Variants in TBC1D5 observed in about 807,000 individuals in gnomAD.
TBC1D5 encodes TBC1 domain family member 5, also known as TBC1 domain family, member 5.
A neutral mutation model predicts 100.3 loss-of-function variants in TBC1D5; 75 were observed. That is an observed-to-expected ratio of 0.75 (90% CI 0.62 to 0.91). TBC1D5 has a LOEUF of 0.91. Among genes scored for constraint, TBC1D5 ranks in the 40% least tolerant of loss-of-function variants. The pLI is 0.00. For missense variants in TBC1D5, 910 were observed against 942.4 expected (o/e 0.97, Z 0.45); for synonymous variants, 323 against 325.6 (o/e 0.99, Z 0.09).
intron 2 of TBC1D5, among the ~76,000 whole-genome samples, chr3:17,598,639 G>C (rs1018516011): frequency 1.3e-5 from 2 of 152,108 alleles, no homozygotes; most frequent in Non-Finnish European, 2.9e-5. Flanking sequence ...AACTGTTTGT[G>C]CTGCAAGAAA....
intron 13 of TBC1D5, among the ~76,000 whole-genome samples, chr3:17,316,766 T>C (rs555824392): frequency 6.6e-6 from 1 of 152,308 alleles, no homozygotes; most frequent in African/African-American, 2.4e-5. Context: ...GACTTGGCAA[T>C]ACTCATCTTC....
At chr3:17,689,225 C>G (rs2070740003) in intron 1 of TBC1D5, among the ~76,000 whole-genome samples, 1 of 152,026 alleles carries the variant, frequency 6.6e-6, no homozygotes, top group Non-Finnish European at 1.5e-5. Flanking sequence ...TGGACCCAGT[C>G]CTCTAGAAAA....
intron 7 of TBC1D5, 140 bp from the exon 8 acceptor site, chr3:17,403,388 G>A (rs973299840): frequency 4.4e-6 from 2 of 449,870 alleles, no homozygotes; most frequent in Admixed American, 4.3e-5. Flanking sequence ...CTGAGACTGG[G>A]GTAATTTTTA....
chr3:17,684,035 A>C (rs2069887408), intron 1 of TBC1D5, among the ~76,000 whole-genome samples: 1 of 152,094 alleles, frequency 6.6e-6, no homozygotes. Flanking sequence ...TATGTTAATA[A>C]TAGGGGCTGG....
intron 2 of TBC1D5, among the ~76,000 whole-genome samples, chr3:17,525,130 A>T (rs1352862376): frequency 1.3e-5 from 2 of 152,024 alleles, no homozygotes; most frequent in Non-Finnish European, 2.9e-5. Context: ...AAAACAGGAC[A>T]TGAGGATTTT....
Position 17,238,129 on chromosome 3 carries a change from T to G in TBC1D5, c.1588+34A>C, listed in dbSNP as rs746119972. On this transcript the variant is annotated intron_variant, in intron 17 of 21. Coordinates refer to ENST00000253692, the Ensembl canonical transcript of TBC1D5. ...AAGAAATCCCAGGCTACACCATGAA[T>G]GTTTTCTTTAGATTTACTAGTATTT... The G allele has an allele frequency of 2.5e-6, 4 of 1,595,160 alleles. No homozygotes were observed. In the East Asian group the frequency reaches 9.0e-5, roughly 36 times the overall value.
At chr3:17,208,502 C>T (rs2072533124) in intron 18 of TBC1D5, among the ~76,000 whole-genome samples, 1 of 152,368 alleles carries the variant, frequency 6.6e-6, no homozygotes, top group Admixed American at 6.5e-5. Context: ...ACTGACTTAA[C>T]ACACTATTTA....
intron 2 of TBC1D5, among the ~76,000 whole-genome samples, chr3:17,540,354 T>C (rs909253652): frequency 9.2e-5 from 14 of 152,246 alleles, no homozygotes; most frequent in Non-Finnish European, 1.8e-4. Flanking sequence ...GTCCTCTATG[T>C]TGTTGTGCCT....
chr3:17,330,504 C>T (rs2086733567), intron 13 of TBC1D5, among the ~76,000 whole-genome samples: 1 of 152,080 alleles, frequency 6.6e-6, no homozygotes, highest in South Asian at 2.1e-4. Context: ...AACCTCCCAA[C>T]CTGCCATTTC....
chr3:17,549,041 C>A (rs973723882), intron 2 of TBC1D5, among the ~76,000 whole-genome samples: 2 of 152,104 alleles, frequency 1.3e-5, no homozygotes, highest in African/African-American at 4.8e-5. Context: ...CTCATGCCTG[C>A]AATCCCAGCA....
chr3:17,641,057 C>A (rs1049307080), intron 1 of TBC1D5, among the ~76,000 whole-genome samples: 1 of 151,640 alleles, frequency 6.6e-6, no homozygotes, highest in African/African-American at 2.4e-5. Context: ...AAAGTTAGAA[C>A]AATTAAGTGA....
At chr3:17,363,458 T>A (rs1435565178) in intron 13 of TBC1D5, among the ~76,000 whole-genome samples, 1 of 151,898 alleles carries the variant, frequency 6.6e-6, no homozygotes, top group East Asian at 1.9e-4. Context: ...TTTCCTTTTT[T>A]TTTATTTTTT....
chr3:17,374,542 TA>T lies in TBC1D5; in HGVS notation c.753-3del. The T allele has an allele frequency of 1.2e-6, 2 of 1,611,198 alleles. No homozygotes were observed. Among genetic ancestry groups the T allele is most frequent in the Non-Finnish European group, 1.7e-6 (2 of 1,178,736 alleles). ...TCCATAAGTTGTGAGAACACTGCACTAAAAATAAAATAACACAATGCTATGT... is the reference window on the plus strand; with the variant it reads ...TCCATAAGTTGTGAGAACACTGCACTAAAATAAAATAACACAATGCTATGT... On this transcript the variant is annotated splice_polypyrimidine_tract_variant and splice_region_variant and intron_variant, in intron 11 of 21. Coordinates refer to ENST00000253692, the Ensembl canonical transcript of TBC1D5.
intron 17 of TBC1D5, among the ~76,000 whole-genome samples, chr3:17,235,653 T>A (rs1477388162): frequency 6.6e-6 from 1 of 152,334 alleles, no homozygotes; most frequent in Non-Finnish European, 1.5e-5. Context: ...CATAGATTTT[T>A]AGAGGTGGGA....
chr3:17,711,375 C>G (rs532312327), intron 1 of TBC1D5, among the ~76,000 whole-genome samples: 1 of 152,132 alleles, frequency 6.6e-6, no homozygotes, highest in East Asian at 1.9e-4. Flanking sequence ...ATAATATGAA[C>G]ATGATAAACT....
At chr3:17,462,706 C>T (rs989247421) in intron 3 of TBC1D5, among the ~76,000 whole-genome samples, 1 of 152,124 alleles carries the variant, frequency 6.6e-6, no homozygotes, top group Non-Finnish European at 1.5e-5. Flanking sequence ...CTACTGCTTG[C>T]CTATCTATAC....
chr3:17,378,095 G>T (rs924990518), intron 9 of TBC1D5, among the ~76,000 whole-genome samples: 1 of 151,724 alleles, frequency 6.6e-6, no homozygotes, highest in Non-Finnish European at 1.5e-5. Context: ...TGTATTAATA[G>T]AAAAGTATGG....
At chr3:17,500,362 C>A (rs1380247951) in intron 3 of TBC1D5, among the ~76,000 whole-genome samples, 2 of 149,002 alleles carry the variant, frequency 1.3e-5, no homozygotes, top group Non-Finnish European at 2.9e-5. Flanking sequence ...AATGTAAGAA[C>A]ATAAATACAA....
intron 3 of TBC1D5, among the ~76,000 whole-genome samples, chr3:17,445,508 A>C (rs73161465): frequency 0.061 from 9,232 of 152,144 alleles, 546 homozygotes; most frequent in African/African-American, 0.15. Context: ...CTATATATTA[A>C]CCTTCAGTTT....
Sources: gnomAD v4.1 joint callset for allele counts (sites outside exome capture counted in the v4.1 genomes callset) on GRCh38, gnomAD v4.1.1 for gene constraint, MANE v1.5 for transcripts, NCBI Gene and HGNC (gene_info 2026-07-23, HGNC 2026-07-21) for gene names.